PPM1B: variants seen among roughly 807,000 people sequenced by gnomAD.
PPM1B encodes the protein protein phosphatase, Mg2+/Mn2+ dependent 1B.
Under a neutral mutation model 43.0 loss-of-function variants are expected in PPM1B, and 22 were observed. The ratio of observed to expected loss-of-function variants is 0.51; its 90% confidence interval spans 0.37 to 0.73. The LOEUF (loss-of-function observed/expected upper bound fraction) is 0.73, where lower values mean the gene tolerates loss of function less well. Among genes scored for constraint, PPM1B ranks in the 30% least tolerant of loss-of-function variants. PPM1B has a pLI of 0.00. For synonymous variants in PPM1B, 217 were observed against 197.9 expected (o/e 1.10, Z -0.81); for missense variants, 632 against 584.2 (o/e 1.08, Z -0.84).
At chr2:44,204,688 C>T (rs899903267) in intron 2 of PPM1B, among the ~76,000 whole-genome samples, 1 of 151,838 alleles carries the variant, frequency 6.6e-6, no homozygotes, top group Admixed American at 6.6e-5. Flanking sequence ...GAAACCCCGT[C>T]TCTATTAAAA....
At chr2:44,226,300 C>G (rs1045027602) in intron 5 of PPM1B, among the ~76,000 whole-genome samples, 2 of 152,020 alleles carry the variant, frequency 1.3e-5, no homozygotes, top group Non-Finnish European at 1.5e-5. Context: ...AAAGCAACTT[C>G]TCTTCCCCAA....
chr2:44,204,349 A>T (rs981846230), intron 2 of PPM1B, among the ~76,000 whole-genome samples: 18 of 152,232 alleles, frequency 1.2e-4, no homozygotes, highest in African/African-American at 4.3e-4. Flanking sequence ...GCACTTAGCG[A>T]TTGCACAGTA....
chr2:44,178,474 A>ATATT (rs1445760590), intron 1 of PPM1B, among the ~76,000 whole-genome samples: 14,929 of 135,014 alleles, frequency 0.11, 1,045 homozygotes, highest in South Asian at 0.2. Flanking sequence ...ATATATATAT[A>ATATT]TTTTTTTTTT....
At chr2:44,208,112 A>G (rs1255423226) in intron 2 of PPM1B, among the ~76,000 whole-genome samples, 1 of 142,226 alleles carries the variant, frequency 7.0e-6, no homozygotes, top group Non-Finnish European at 1.5e-5. Context: ...CTGGTCTTGA[A>G]CCCCTCACCT....
downstream of PPM1B, among the ~76,000 whole-genome samples, chr2:44,237,954 G>A (rs909003825): frequency 6.6e-6 from 1 of 152,192 alleles, no homozygotes; most frequent in African/African-American, 2.4e-5. Flanking sequence ...AGGCTGGAGT[G>A]CAATGGCACG....
intron 1 of PPM1B, among the ~76,000 whole-genome samples, chr2:44,172,551 C>T (rs145991123): frequency 6.6e-6 from 1 of 152,116 alleles, no homozygotes; most frequent in Non-Finnish European, 1.5e-5. Context: ...TTACTTACAT[C>T]AATACATTGA....
rs1261805367 is a variant in PPM1B, at chr2:44,177,608, A to T, written c.-15+8334A>T. Among the ~76,000 whole-genome samples, 6 of 151,474 alleles carry T rather than the reference A, an allele frequency of 4.0e-5. No individual in the cohort carries two copies. In the East Asian group the frequency reaches 7.8e-4, roughly 20 times the overall value. ...TAATTTTTGTATTTTTAGTAGAGACAGGGGTCTCACCATGTTGGCCAGGCT... is the reference window on the plus strand; with the variant it reads ...TAATTTTTGTATTTTTAGTAGAGACTGGGGTCTCACCATGTTGGCCAGGCT... On this transcript the variant is annotated intron_variant, in intron 1 of 5. Coordinates refer to ENST00000282412, the MANE Select transcript of PPM1B (RefSeq NM_002706.6).
At chr2:44,189,270 C>G (rs1442568833) in intron 1 of PPM1B, among the ~76,000 whole-genome samples, 1 of 152,124 alleles carries the variant, frequency 6.6e-6, no homozygotes, top group Non-Finnish European at 1.5e-5. Context: ...TGAGAAAAGA[C>G]AGAACACTTC....
rs1362035309 is a variant in PPM1B at position 44,231,262 on chromosome 2, G to T, written c.*544G>T. On this transcript the variant is annotated 3_prime_UTR_variant, in exon 6 of 6. Transcript: ENST00000282412. Reference sequence around the variant, plus strand: ...CATCTCTGTAGTTTTATTTTTAGAAGTTGTGAGATATTGGATGTGTGGCTA... The same window carrying T: ...CATCTCTGTAGTTTTATTTTTAGAATTTGTGAGATATTGGATGTGTGGCTA... 1 of 977,808 alleles carries T rather than the reference G, an allele frequency of 1.0e-6. No individual in the cohort carries two copies. Among genetic ancestry groups the T allele is most frequent in the Non-Finnish European group, 1.2e-6 (1 of 823,146 alleles). The allele number at this position is 977,808 out of a possible 1,614,324, so 60.6% of individuals were successfully genotyped here.
downstream of PPM1B, among the ~76,000 whole-genome samples, chr2:44,236,428 G>T (rs866608769): frequency 5.0e-4 from 35 of 70,420 alleles, no homozygotes; most frequent in Non-Finnish European, 7.6e-4. Context: ...AAAAAAAAAA[G>T]TTGTAATGAA....
chr2:44,194,006 A>G (rs1051513476), intron 1 of PPM1B, among the ~76,000 whole-genome samples: 3 of 152,178 alleles, frequency 2.0e-5, no homozygotes, highest in African/African-American at 7.2e-5. Flanking sequence ...GAACTACTGC[A>G]TCACCCAGCC....
chr2:44,217,228 C>T (rs186943938), intron 3 of PPM1B, among the ~76,000 whole-genome samples: 316 of 151,874 alleles, frequency 2.1e-3, no homozygotes, highest in African/African-American at 7.3e-3. Flanking sequence ...GGAGAAACCC[C>T]ATCTCTACTA....
At chr2:44,229,163 C>T (rs192990801) in intron 5 of PPM1B, among the ~76,000 whole-genome samples, 1 of 147,974 alleles carries the variant, frequency 6.8e-6, no homozygotes, top group Non-Finnish European at 1.5e-5. Context: ...GCCTGGGCAA[C>T]AAGAGTGAAA....
At chr2:44,225,718 GCAATCT>G (rs1670177722) in intron 5 of PPM1B, among the ~76,000 whole-genome samples, 2 of 152,130 alleles carry the variant, frequency 1.3e-5, no homozygotes, top group South Asian at 4.1e-4. Flanking sequence ...ATGCAGTGGT[GCAATCT>G]CGGCTCACTG....
chr2:44,180,024 A>AT lies in PPM1B; in HGVS notation c.-15+10750_-15+10751insT, dbSNP rs1455885746. ...AACTTCGTTCCAAAAAAAAAAAAAA[A>AT]AAAAGACTTTAACCTCAAGTCAACT... On this transcript the variant is annotated intron_variant, in intron 1 of 5. Transcript: ENST00000282412. 6.3e-4 allele frequency among the ~76,000 whole-genome samples: 86 copies of AT among 137,580 alleles called. 1 individual carries two copies. Among genetic ancestry groups the AT allele is most frequent in the Non-Finnish European group, 1.1e-3 (73 of 63,968 alleles). 90.3% of individuals were successfully genotyped at this position (137,580 alleles called of 152,430 possible). A position where few individuals can be genotyped will look rare whatever the true frequency, so the allele number is the denominator to read the frequency against.
Position 44,218,056 on chromosome 2 carries a change from C to T in PPM1B, c.1054C>T (p.Pro352Ser). 6.2e-7 allele frequency: 1 copy of T among 1,612,820 alleles called. No individual in the cohort carries two copies. Among genetic ancestry groups the T allele is most frequent in the Non-Finnish European group, 8.5e-7 (1 of 1,179,536 alleles). ...TGCAGAAAATATCCCAAATTTGCCT[C>T]CTGGGGGAGGTCTTGCTGGCAAGTA... is the stretch of plus-strand genomic sequence containing the variant. ...LSAENIPNLP[P>S]GGGLAGKRNV... Residue 352 changes from proline (P) to serine (S), a missense_variant, in exon 4 of 6, where the codon CCT becomes TCT. By Grantham distance (74) the Pro-to-Ser change is moderately conservative. Coordinates refer to ENST00000282412, the MANE Select transcript of PPM1B (RefSeq NM_002706.6).
intron 5 of PPM1B, among the ~76,000 whole-genome samples, chr2:44,226,063 T>C (rs1173937544): frequency 6.8e-6 from 1 of 147,650 alleles, no homozygotes; most frequent in African/African-American, 2.5e-5. Flanking sequence ...GCAAGCTCCG[T>C]CTCCCAGGTT....
At chr2:44,234,173 C>A (rs1670545881), downstream of PPM1B, 1 of 980,494 alleles carries the variant, frequency 1.0e-6, no homozygotes, top group Non-Finnish European at 1.2e-6. Context: ...CCAAACTGTA[C>A]AGGACAATAT....
chr2:44,216,167 G>A (rs1669708711), intron 3 of PPM1B, among the ~76,000 whole-genome samples: 1 of 152,144 alleles, frequency 6.6e-6, no homozygotes, highest in African/African-American at 2.4e-5. Flanking sequence ...GTATAAAAGG[G>A]ACAAGAGAAG....
Sources: allele counts gnomAD v4.1 joint callset (sites outside exome capture counted in the v4.1 genomes callset), GRCh38; gene constraint gnomAD v4.1.1; transcripts MANE v1.5; gene names NCBI Gene and HGNC (gene_info 2026-07-23, HGNC 2026-07-21).